FHIT: variants seen among roughly 807,000 people sequenced by gnomAD.
The protein encoded by FHIT is fragile histidine triad diadenosine triphosphatase.
A neutral mutation model predicts 17.9 loss-of-function variants in FHIT; 19 were observed. The observed-to-expected ratio is 1.06, with a 90% confidence interval of 0.74 to 1.56. The LOEUF (loss-of-function observed/expected upper bound fraction) is 1.56. Among genes scored for constraint, FHIT ranks in the 40% most tolerant of loss-of-function variants. The probability of loss-of-function intolerance (pLI) is 0.00; values close to 1 mark genes in which losing one functional copy is unlikely to be tolerated. For missense variants in FHIT, 248 were observed against 189.2 expected (o/e 1.31, Z -1.82); for synonymous variants, 81 against 69.7 (o/e 1.16, Z -0.81).
At position 60,380,752 on chromosome 3, in the gene FHIT, C is replaced by A. The variant is rs371575173; in HGVS notation, c.103+156108G>T. ...TTATTATCATTACCAGTTTCTAACA[C>A]CCCTGAGCATTTTGACCCGGTAAGG... is the stretch of plus-strand genomic sequence containing the variant. On this transcript the variant is annotated intron_variant, in intron 5 of 9. Transcript: ENST00000492590. Among the ~76,000 whole-genome samples, 7 of 152,256 alleles carry A rather than the reference C, an allele frequency of 4.6e-5. No individual in the cohort carries two copies. In the East Asian group the frequency reaches 7.7e-4, roughly 17 times the overall value.
chr3:60,867,737 C>A (rs1704228380), intron 3 of FHIT, among the ~76,000 whole-genome samples: 1 of 152,142 alleles, frequency 6.6e-6, no homozygotes, highest in South Asian at 2.1e-4. Context: ...CCCAAAAGTT[C>A]ACATGCTCTG....
intron 5 of FHIT, among the ~76,000 whole-genome samples, chr3:60,443,032 G>C (rs2107339163): frequency 6.6e-6 from 1 of 152,188 alleles, no homozygotes; most frequent in Non-Finnish European, 1.5e-5. Context: ...TCTCTTTGAA[G>C]CAATTGTGAA....
rs534041482 is a variant in FHIT, at chr3:61,204,603, G to A, written c.-212-3938C>T. ...CTAAGTCCAGCTGTGTCAGGAATCA[G>A]GGTAAGTACATCTGTTAAAATTTTA... On this transcript the variant is annotated intron_variant, in intron 1 of 9. Coordinates refer to ENST00000492590, the MANE Select transcript of FHIT (RefSeq NM_002012.4). Among the ~76,000 whole-genome samples, 85 of 151,518 alleles carry A rather than the reference G, an allele frequency of 5.6e-4. 1 individual carries two copies. The highest frequency in any genetic ancestry group is 3.4e-3 in the Middle Eastern group (1 of 294).
intron 3 of FHIT, among the ~76,000 whole-genome samples, chr3:60,974,677 G>C (rs1421406481): frequency 2.0e-5 from 3 of 152,172 alleles, no homozygotes; most frequent in Non-Finnish European, 1.5e-5. Flanking sequence ...CTGTCAACAA[G>C]AGTGATTAAC....
intron 7 of FHIT, among the ~76,000 whole-genome samples, chr3:59,976,171 G>A (rs193207316): frequency 1.8e-4 from 27 of 152,150 alleles, no homozygotes; most frequent in Non-Finnish European, 3.4e-4. Context: ...TGCTGTCTGG[G>A]GGGTAAAGGA....
At chr3:60,544,080 G>T (rs778809225) in intron 4 of FHIT, among the ~76,000 whole-genome samples, 2 of 151,246 alleles carry the variant, frequency 1.3e-5, no homozygotes, top group African/African-American at 2.4e-5. Context: ...TTATATATAT[G>T]ATTTCACTTA....
chr3:60,163,657 CAG>C (rs538081872), intron 5 of FHIT, among the ~76,000 whole-genome samples: 120 of 152,300 alleles, frequency 7.9e-4, no homozygotes, highest in African/African-American at 2.8e-3. Context: ...TGGTTTACAG[CAG>C]AGTTTCTCAC....
intron 5 of FHIT, among the ~76,000 whole-genome samples, chr3:60,449,999 C>CAAAAA (rs35302096): frequency 1.5e-5 from 1 of 65,068 alleles, no homozygotes; most frequent in Non-Finnish European, 2.9e-5. Flanking sequence ...TAGACTCTGT[C>CAAAAA]AAAAAAAAAA....
chr3:60,118,785 G>C (rs543587347), intron 5 of FHIT, among the ~76,000 whole-genome samples: 31 of 132,940 alleles, frequency 2.3e-4, no homozygotes, highest in East Asian at 1.7e-3. Context: ...GGGGGGGGGG[G>C]GGTGGTGAAT....
chr3:59,929,363 GTTTTTTT>G (rs869243844), intron 7 of FHIT, among the ~76,000 whole-genome samples: 1 of 67,052 alleles, frequency 1.5e-5, no homozygotes, highest in Non-Finnish European at 2.7e-5. Context: ...TGTTTTTTTG[GTTTTTTT>G]TTTTTTTTTT....
chr3:59,822,112 C>T (rs1457152240), intron 8 of FHIT, among the ~76,000 whole-genome samples: 1 of 152,202 alleles, frequency 6.6e-6, no homozygotes, highest in Non-Finnish European at 1.5e-5. Context: ...ATCCAGGTTG[C>T]TGTGAATGCC....
intron 4 of FHIT, among the ~76,000 whole-genome samples, chr3:60,613,789 G>A (rs1399700995): frequency 1.3e-5 from 2 of 152,088 alleles, no homozygotes; most frequent in Admixed American, 6.6e-5. Context: ...GCTACTAGTA[G>A]CTTCTCCCCA....
intron 5 of FHIT, among the ~76,000 whole-genome samples, chr3:60,363,533 A>G (rs1004611170): frequency 1.3e-5 from 2 of 152,146 alleles, no homozygotes; most frequent in African/African-American, 4.8e-5. Flanking sequence ...TCCCTGTTTT[A>G]CAGGTGAGTA....
chr3:60,948,661 T>C (rs577455082), intron 3 of FHIT, among the ~76,000 whole-genome samples: 4 of 152,192 alleles, frequency 2.6e-5, no homozygotes, highest in Non-Finnish European at 5.9e-5. Context: ...AACTGAATTA[T>C]TAATTCCCAA....
intron 8 of FHIT, among the ~76,000 whole-genome samples, chr3:59,797,179 T>C (rs933752535): frequency 6.6e-6 from 1 of 150,958 alleles, no homozygotes; most frequent in African/African-American, 2.5e-5. Flanking sequence ...AGTATTATTT[T>C]GATATTACAA....
intron 5 of FHIT, among the ~76,000 whole-genome samples, chr3:60,036,393 A>T (rs1197519854): frequency 6.6e-6 from 1 of 152,136 alleles, no homozygotes; most frequent in East Asian, 1.9e-4. Context: ...CCGTGTCTCT[A>T]TTGGAATTCC....
intron 5 of FHIT, among the ~76,000 whole-genome samples, chr3:60,515,965 C>A (rs2035138411): frequency 6.6e-6 from 1 of 152,106 alleles, no homozygotes; most frequent in Non-Finnish European, 1.5e-5. Flanking sequence ...ATCACCTTTG[C>A]CTTCAGGAAA....
intron 3 of FHIT, among the ~76,000 whole-genome samples, chr3:60,926,500 G>A (rs1553769960): frequency 6.6e-6 from 1 of 152,198 alleles, no homozygotes. Flanking sequence ...GACGTTCTTT[G>A]AAACCAATGA....
chr3:60,171,376 T>C (rs935443551), intron 5 of FHIT, among the ~76,000 whole-genome samples: 21 of 152,170 alleles, frequency 1.4e-4, no homozygotes, highest in African/African-American at 5.1e-4. Context: ...CTTTGGGTGA[T>C]GTTCTCTTTG....
Sources: allele counts gnomAD v4.1 joint callset (sites outside exome capture counted in the v4.1 genomes callset), GRCh38; gene constraint gnomAD v4.1.1; transcripts MANE v1.5; gene names NCBI Gene and HGNC (gene_info 2026-07-23, HGNC 2026-07-21).